DACH2: variants seen among roughly 807,000 people sequenced by gnomAD.
DACH2 encodes dachshund family transcription factor 2, also known as dachshund homolog 2.
DACH2 carries 17 observed loss-of-function variants against 35.8 expected under a neutral mutation model. The ratio of observed to expected loss-of-function variants is 0.48; its 90% CI spans 0.33 to 0.71. The LOEUF (loss-of-function observed/expected upper bound fraction) is 0.71, where lower values mean the gene tolerates loss of function less well. Among genes scored for constraint, DACH2 ranks in the 30% least tolerant of loss-of-function variants. The pLI is 0.02. For synonymous variants in DACH2, 195 were observed against 177.3 expected (o/e 1.10, Z -0.79); for missense variants, 469 against 472.7 (o/e 0.99, Z 0.07).
At chrX:86,599,519 A>C (rs186433657) in intron 3 of DACH2, among the ~76,000 whole-genome samples, 27 of 8,686 alleles carry the variant, frequency 3.1e-3, no homozygotes, top group Non-Finnish European at 5.2e-3. Context: ...TCTTTCTTTC[A>C]AAGAGTCTCT....
intron 2 of DACH2, among the ~76,000 whole-genome samples, chrX:86,390,503 T>C (rs998906219): frequency 8.9e-6 from 1 of 111,985 alleles, no homozygotes; most frequent in African/African-American, 3.2e-5. Flanking sequence ...TTCTAATTTA[T>C]CCCATTTAAT....
At chrX:86,805,123 C>T (rs1051476638) in intron 7 of DACH2, among the ~76,000 whole-genome samples, 23 of 112,751 alleles carry the variant, frequency 2.0e-4, no homozygotes, top group African/African-American at 6.1e-4. Flanking sequence ...ATGAGGGCTC[C>T]ACCCCTGCCA....
chrX:86,497,250 A>G (rs931643100), intron 2 of DACH2, among the ~76,000 whole-genome samples: 1 of 111,593 alleles, frequency 9.0e-6, no homozygotes, highest in Admixed American at 9.6e-5. Flanking sequence ...GCTCCAGAGA[A>G]TTCATTACAA....
intron 1 of DACH2, among the ~76,000 whole-genome samples, chrX:86,290,737 A>AAACCC (rs1457817023): frequency 4.1e-5 from 4 of 96,450 alleles, no homozygotes; most frequent in African/African-American, 1.6e-4. Context: ...AGTTGTAGAT[A>AAACCC]TGCAGCATTA....
At chrX:86,683,115 G>T (rs761578107) in intron 4 of DACH2, among the ~76,000 whole-genome samples, 1 of 110,661 alleles carries the variant, frequency 9.0e-6, no homozygotes, top group South Asian at 3.7e-4. Context: ...TTTCATGTTC[G>T]TGTTGTATGC....
intron 2 of DACH2, among the ~76,000 whole-genome samples, chrX:86,419,250 G>A (rs368581503): frequency 7.2e-5 from 8 of 111,588 alleles, no homozygotes; most frequent in East Asian, 5.6e-4. Context: ...TTTCAGCAAC[G>A]CCCAACTCTA....
chrX:86,500,065 A>G (rs141116241), intron 2 of DACH2, among the ~76,000 whole-genome samples: 183 of 111,741 alleles, frequency 1.6e-3, no homozygotes, highest in African/African-American at 5.8e-3. Flanking sequence ...AGCACAAACA[A>G]CAAACTTGAG....
chrX:86,386,901 G>C (rs1224501910), intron 2 of DACH2, among the ~76,000 whole-genome samples: 1 of 111,169 alleles, frequency 9.0e-6, no homozygotes, highest in Non-Finnish European at 1.9e-5. Flanking sequence ...GGGCCAGAGA[G>C]TCTCTCTTGG....
intron 1 of DACH2, among the ~76,000 whole-genome samples, chrX:86,217,515 C>G (rs2032605773): frequency 9.0e-6 from 1 of 111,155 alleles, no homozygotes; most frequent in Admixed American, 9.6e-5. Flanking sequence ...TAAGTTCAGA[C>G]AGTGATAAGT....
Position 86,397,814 on chromosome X carries a change from G to C in DACH2, c.527+20952G>C, listed in dbSNP as rs776978813. Among the ~76,000 whole-genome samples, 3 of 111,791 alleles carry C rather than the reference G, an allele frequency of 2.7e-5. No homozygotes were observed. In the South Asian group the frequency reaches 1.1e-3, roughly 42 times the overall value. ...TTGCCATATTATATTGAGGATTTTT[G>C]CATCAATGTTCATCAAGGATATTGG... On this transcript the variant is annotated intron_variant, in intron 2 of 11. Transcript: ENST00000373125.
At chrX:86,570,860 T>C (rs767765792) in intron 3 of DACH2, among the ~76,000 whole-genome samples, 8 of 111,699 alleles carry the variant, frequency 7.2e-5, no homozygotes, top group Non-Finnish European at 1.1e-4. Context: ...TTGTCAAATA[T>C]ATATTTTACA....
chrX:86,456,713 T>G (rs1357833229), intron 2 of DACH2, among the ~76,000 whole-genome samples: 1 of 111,428 alleles, frequency 9.0e-6, no homozygotes, highest in Non-Finnish European at 1.9e-5. Flanking sequence ...TTTTCTTTCT[T>G]TGTGATAAAC....
chrX:86,251,704 A>T (rs146883584), intron 1 of DACH2, among the ~76,000 whole-genome samples: 104 of 111,745 alleles, frequency 9.3e-4, no homozygotes, highest in Non-Finnish European at 1.7e-3. Flanking sequence ...GTTCCATCGT[A>T]TATATGTATA....
At chrX:86,563,142 C>G (rs5923559) in intron 3 of DACH2, among the ~76,000 whole-genome samples, 3 of 106,469 alleles carry the variant, frequency 2.8e-5, no homozygotes, top group African/African-American at 1.0e-4. Flanking sequence ...TTTTTTTTTC[C>G]TGAAATAGAC....
At chrX:86,504,738 C>A (rs2038299661) in intron 2 of DACH2, among the ~76,000 whole-genome samples, 1 of 110,738 alleles carries the variant, frequency 9.0e-6, no homozygotes, top group Admixed American at 9.7e-5. Context: ...ATAATAATAC[C>A]ATAATGAACA....
chrX:86,627,545 ACTGT>A (rs1439275769), intron 3 of DACH2, among the ~76,000 whole-genome samples: 1 of 111,794 alleles, frequency 8.9e-6, no homozygotes, highest in Non-Finnish European at 1.9e-5. Context: ...TAATTTAGGT[ACTGT>A]CTAAATCTCT....
Position 86,705,063 on chromosome X carries a change from A to ATATATATCTCACATATATATATATC in DACH2, c.932-9482_932-9481insATATCTCACATATATATATATCTAT, listed in dbSNP as rs59432076. Among the ~76,000 whole-genome samples the ATATATATCTCACATATATATATATC allele has an allele frequency of 9.9e-4, 104 of 104,643 alleles. 1 individual carries two copies. The East Asian group carries it at 0.014, about 14-fold the overall frequency. The allele number at this position is 104,643 out of a possible 115,157, so 90.9% of individuals were successfully genotyped here. A position where few individuals can be genotyped will look rare whatever the true frequency, so the allele number is the denominator to read the frequency against. On this transcript the variant is annotated intron_variant, in intron 5 of 11. Coordinates refer to ENST00000373125, the MANE Select transcript of DACH2 (RefSeq NM_053281.3). Reference sequence around the variant, plus strand: ...ATATATATCTCACATATATATATATATATCTCACATATATATGTGAGATAT... The same window carrying ATATATATCTCACATATATATATATC: ...ATATATATCTCACATATATATATATATATATATCTCACATATATATATATCTATCTCACATATATATGTGAGATAT...
chrX:86,300,504 G>A (rs913112025), intron 1 of DACH2, among the ~76,000 whole-genome samples: 9 of 106,326 alleles, frequency 8.5e-5, no homozygotes, highest in African/African-American at 3.1e-4. Flanking sequence ...CACAGGAAGG[G>A]GAACATCACA....
chrX:86,329,028 G>T (rs1389169759), intron 1 of DACH2, among the ~76,000 whole-genome samples: 1 of 111,429 alleles, frequency 9.0e-6, no homozygotes, highest in Non-Finnish European at 1.9e-5. Flanking sequence ...ACAATGACAC[G>T]ATTCCTTGGG....
Sources: allele counts gnomAD v4.1 joint callset (sites outside exome capture counted in the v4.1 genomes callset), GRCh38; gene constraint gnomAD v4.1.1; transcripts MANE v1.5; gene names NCBI Gene and HGNC (gene_info 2026-07-23, HGNC 2026-07-21).